ZNF717: variants seen among roughly 807,000 people sequenced by gnomAD.
ZNF717 encodes the protein zinc finger protein 717.
ZNF717 carries 9 observed loss-of-function variants against 13.8 expected under a neutral mutation model. The observed-to-expected ratio is 0.65, with a 90% CI of 0.39 to 1.14. ZNF717 has a LOEUF of 1.14. Among genes scored for constraint, ZNF717 ranks in the 50% most tolerant of loss-of-function variants. The probability of loss-of-function intolerance (pLI) is 0.01; values close to 1 mark genes in which losing one functional copy is unlikely to be tolerated. For synonymous variants in ZNF717, 327 were observed against 364.1 expected, an observed-to-expected ratio of 0.90 and a Z score of 1.16; for missense variants, 1,040 against 1,080.7, an observed-to-expected ratio of 0.96 and a Z score of 0.53.
At chr3:75,724,115 A>G (rs80335163) in intron 4 of ZNF717, among the ~76,000 whole-genome samples, 958 of 116,082 alleles carry the variant, frequency 8.3e-3, no homozygotes, top group Admixed American at 0.011. Flanking sequence ...AAGGGCCTCC[A>G]ACCGGTAGAC....
intron 2 of ZNF717, among the ~76,000 whole-genome samples, chr3:75,747,459 G>A (rs201622604): frequency 7.9e-5 from 12 of 151,984 alleles, no homozygotes; most frequent in East Asian, 5.8e-4. Flanking sequence ...GCAGTATGGC[G>A]ATTTTCACAA....
chr3:75,728,014 A>C (rs79989199), downstream of ZNF717, among the ~76,000 whole-genome samples: 1 of 150,592 alleles, frequency 6.6e-6, no homozygotes, highest in South Asian at 2.1e-4. Context: ...TGGTTCCCCC[A>C]ATAAAACCTC....
At position 75,752,299 on chromosome 3, in the gene ZNF717, G is replaced by A. The variant is rs904887603; in HGVS notation, c.58-10563C>T. On this transcript the variant is annotated intron_variant, in intron 2 of 4. Coordinates refer to ENST00000652011, the MANE Select transcript of ZNF717 (RefSeq NM_001290208.3). Reference sequence around the variant, plus strand: ...AGATAAGATTCCAGAACACGGCTACGAGGGTCTGAATGTTTGTCCCTCACA... The same window carrying A: ...AGATAAGATTCCAGAACACGGCTACAAGGGTCTGAATGTTTGTCCCTCACA... Among the ~76,000 whole-genome samples the A allele has an allele frequency of 1.1e-4, 10 of 87,216 alleles. No individual in the cohort carries two copies. In the East Asian group the frequency reaches 1.2e-3, roughly 10 times the overall value. The allele number at this position is 87,216 out of a possible 152,430, so 57.2% of individuals were successfully genotyped here.
Position 75,766,501 on chromosome 3 carries a change from A to C in ZNF717, c.57+16805T>G, listed in dbSNP as rs149977398. Among the ~76,000 whole-genome samples, 1,123 of 152,346 alleles carry C rather than the reference A, an allele frequency of 7.4e-3. 7 individuals carry two copies. The highest frequency in any genetic ancestry group is 0.024 in the African/African-American group (1,016 of 41,584). On this transcript the variant is annotated intron_variant, in intron 2 of 4. Coordinates refer to ENST00000652011, the MANE Select transcript of ZNF717 (RefSeq NM_001290208.3). ...ATTAAAATTATAAATTGTGCCTCAA[A>C]GTGCACACAAAGTACACACACACAC...
At position 75,749,489 on chromosome 3, in the gene ZNF717, G is replaced by C. The variant is rs1478258112; in HGVS notation, c.58-7753C>G. Among the ~76,000 whole-genome samples, 10 of 151,664 alleles carry C rather than the reference G, an allele frequency of 6.6e-5. 1 individual carries two copies. In the South Asian group the frequency reaches 2.1e-3, roughly 32 times the overall value. On this transcript the variant is annotated intron_variant, in intron 2 of 4. Coordinates refer to ENST00000652011, the MANE Select transcript of ZNF717 (RefSeq NM_001290208.3). ...TTCCGGAACACCGCTGCTGGGTTCT[G>C]AGTGTTTGTCCCTCACATAGGACTC...
intron 2 of ZNF717, among the ~76,000 whole-genome samples, chr3:75,744,007 C>A (rs1410658225): frequency 6.6e-6 from 1 of 152,170 alleles, no homozygotes; most frequent in Non-Finnish European, 1.5e-5. Flanking sequence ...TTCAATGGTA[C>A]CTGAATCCAT....
chr3:75,695,730 G>A (rs1937595672), intron 6 of ZNF717, among the ~76,000 whole-genome samples: 1 of 152,204 alleles, frequency 6.6e-6, no homozygotes, highest in Non-Finnish European at 1.5e-5. Flanking sequence ...TGATTAGTAG[G>A]TCGATAAAAA....
chr3:75,706,073 G>A (rs77371212), downstream of ZNF717, among the ~76,000 whole-genome samples: 60 of 128,666 alleles, frequency 4.7e-4, no homozygotes, highest in African/African-American at 1.5e-3. Context: ...AAAGACAAAT[G>A]AATTAGGAAG....
chr3:75,701,668 C>T (rs1195021734), intron 6 of ZNF717, among the ~76,000 whole-genome samples: 1 of 152,304 alleles, frequency 6.6e-6, no homozygotes, highest in African/African-American at 2.4e-5. Flanking sequence ...CCAGCCTGGG[C>T]AACAGATCAA....
chr3:75,708,557 T>C (rs573678220), downstream of ZNF717, among the ~76,000 whole-genome samples: 1 of 151,776 alleles, frequency 6.6e-6, no homozygotes, highest in African/African-American at 2.4e-5. Context: ...AAAAGCAGAG[T>C]GCCTCTCCTC....
In ZNF717 at chr3:75,781,427, A is replaced by G. The variant is rs6797468; in HGVS notation, c.57+1879T>C. Among the ~76,000 whole-genome samples the G allele has an allele frequency of 1.7e-3, 258 of 152,310 alleles. 2 individuals carry two copies. Among genetic ancestry groups the G allele is most frequent in the African/African-American group, 5.9e-3 (246 of 41,568 alleles). The stretch of plus-strand genomic sequence containing the variant: ...TTTCTGGGGACTCTCCGATTCATGA[A>G]TCGTTTATTGCTCAACTAAACTCCT... On this transcript the variant is annotated intron_variant, in intron 2 of 4. Coordinates refer to ENST00000652011, the MANE Select transcript of ZNF717 (RefSeq NM_001290208.3).
chr3:75,722,756 GT>G (rs1425837922), intron 4 of ZNF717, among the ~76,000 whole-genome samples: 1 of 128,606 alleles, frequency 7.8e-6, no homozygotes, highest in African/African-American at 3.0e-5. Flanking sequence ...GGAGGTTGCA[GT>G]GAGCCAAGAT....
Position 75,783,425 on chromosome 3 carries a change from T to C in ZNF717, c.-2-61A>G, listed in dbSNP as rs185690065. 2.0e-3 allele frequency: 2,663 copies of C among 1,362,182 alleles called. 42 individuals carry two copies. In the African/African-American group the frequency reaches 0.035, roughly 18 times the overall value. The allele number at this position is 1,362,182 out of a possible 1,614,324, so 84.4% of individuals were successfully genotyped here. ...GAACTGGTGTGGTGTGGTCCCAGAT[T>C]CTTCTGCCCAACACTCTAGACACAT... On this transcript the variant is annotated intron_variant, in intron 1 of 4. Transcript: ENST00000652011.
chr3:75,763,447 AT>A (rs1319499959), intron 2 of ZNF717, among the ~76,000 whole-genome samples: 1 of 152,236 alleles, frequency 6.6e-6, no homozygotes, highest in Non-Finnish European at 1.5e-5. Context: ...GGGATTTCAG[AT>A]TTTTGGATCA....
At chr3:75,743,663 G>A (rs1222826290) in intron 2 of ZNF717, among the ~76,000 whole-genome samples, 1 of 152,254 alleles carries the variant, frequency 6.6e-6, no homozygotes, top group African/African-American at 2.4e-5. Context: ...TCAGGACATG[G>A]AGTGTAAGAA....
intron 2 of ZNF717, among the ~76,000 whole-genome samples, chr3:75,770,157 C>T (rs1575944229): frequency 6.6e-6 from 1 of 152,196 alleles, no homozygotes; most frequent in African/African-American, 2.4e-5. Context: ...CCACAAACAC[C>T]CCCTTCAGGT....
intron 2 of ZNF717, among the ~76,000 whole-genome samples, chr3:75,762,854 T>C (rs1273824990): frequency 1.3e-5 from 2 of 152,178 alleles, no homozygotes; most frequent in African/African-American, 2.4e-5. Context: ...GAGAAACTTA[T>C]GGACCAACAC....
intron 2 of ZNF717, among the ~76,000 whole-genome samples, chr3:75,746,973 C>A (rs145489928): frequency 0.3 from 45,178 of 151,956 alleles, 7,801 homozygotes; most frequent in East Asian, 0.57. Context: ...ACTAGGTTTT[C>A]TTCTAGGGTT....
chr3:75,709,691 C>CT (rs1937891457), exon 6 of ZNF717: 1 of 152,146 alleles, frequency 6.6e-6, no homozygotes, highest in Non-Finnish European at 1.5e-5. Context: ...TTTGTAGAAT[C>CT]TTTTTCATCA....
Sources: gnomAD v4.1 joint callset for allele counts (sites outside exome capture counted in the v4.1 genomes callset) on GRCh38, gnomAD v4.1.1 for gene constraint, MANE v1.5 for transcripts, NCBI Gene and HGNC (gene_info 2026-07-23, HGNC 2026-07-21) for gene names.